SPOCK3: variants seen among roughly 807,000 people sequenced by gnomAD.
SPOCK3 encodes SPARC (osteonectin), cwcv and kazal like domains proteoglycan 3, also known as testican-3.
Under a neutral mutation model 56.6 loss-of-function variants are expected in SPOCK3, and 30 were observed. The observed-to-expected ratio is 0.53, with a 90% CI of 0.40 to 0.72. The LOEUF is 0.72. SPOCK3 is among the 30% of genes least tolerant of loss of function. The probability of loss-of-function intolerance (pLI) is 0.00; values close to 1 mark genes in which losing one functional copy is unlikely to be tolerated. For missense variants in SPOCK3, 527 were observed against 530.0 expected, an observed-to-expected ratio of 0.99 and a Z score of 0.06; for synonymous variants, 196 against 183.3, an observed-to-expected ratio of 1.07 and a Z score of -0.56.
At chr4:167,011,332 T>C (rs1340750511) in intron 3 of SPOCK3, 1 of 455,640 alleles carries the variant, frequency 2.2e-6, no homozygotes, top group Non-Finnish European at 4.4e-6. Flanking sequence ...ATTCAGGGGT[T>C]GTTGCCTTAA....
At position 166,742,223 on chromosome 4, in the gene SPOCK3, T is replaced by C. The variant is rs558283044; in HGVS notation, c.932-164A>G. ...ATACATTCATATAGGTACATACATG[T>C]GTCTATCTATCATCTATCTATCTAT... On this transcript the variant is annotated intron_variant, in intron 8 of 10. Coordinates refer to ENST00000357545, the MANE Select transcript of SPOCK3 (RefSeq NM_001040159.2). 7.6e-3 allele frequency among the ~76,000 whole-genome samples: 794 copies of C among 104,938 alleles called. 5 individuals carry two copies. Among genetic ancestry groups the C allele is most frequent in the Non-Finnish European group, 0.011 (572 of 50,602 alleles). 68.8% of individuals were successfully genotyped at this position (104,938 alleles called of 152,430 possible).
intron 7 of SPOCK3, among the ~76,000 whole-genome samples, chr4:166,781,648 CA>C (rs1313697368): frequency 1.3e-5 from 2 of 152,044 alleles, no homozygotes; most frequent in Non-Finnish European, 2.9e-5. Flanking sequence ...CATCAAACCA[CA>C]GAGATAAGAA....
At chr4:166,992,763 T>A (rs1458371033) in intron 4 of SPOCK3, among the ~76,000 whole-genome samples, 5 of 152,108 alleles carry the variant, frequency 3.3e-5, no homozygotes, top group Non-Finnish European at 7.4e-5. Context: ...ACCAGATTCT[T>A]GTCTATTTGG....
chr4:166,889,183 T>A lies in SPOCK3; in HGVS notation c.536A>T (p.His179Leu), dbSNP rs141579756. The change falls in exon 6 of 11, where the codon CAT (histidine) becomes CTT (leucine). Residue 179 changes from histidine (H) to leucine (L), a missense_variant. His to Leu is a moderately conservative substitution (Grantham distance 99). Transcript: ENST00000357545. ...GKQISVKCEG[H>L]CPCPSDKPTS... ...GGGCTTATCTGAAGGACATGGGCAA[T>A]GTCCTTCACATTTGACTGAGATCTG... The A allele has an allele frequency of 4.0e-5, 64 of 1,612,428 alleles. No homozygotes were observed. In the African/African-American group the frequency reaches 7.5e-4, roughly 19 times the overall value.
chr4:167,068,985 T>C (rs1191082217), intron 2 of SPOCK3, among the ~76,000 whole-genome samples: 1 of 151,956 alleles, frequency 6.6e-6, no homozygotes, highest in Non-Finnish European at 1.5e-5. Flanking sequence ...AAAAATTTAA[T>C]TTCCCAAGGT....
intron 3 of SPOCK3, among the ~76,000 whole-genome samples, chr4:167,006,120 T>A (rs1412590513): frequency 6.6e-6 from 1 of 152,226 alleles, no homozygotes; most frequent in East Asian, 1.9e-4. Context: ...TTTTTGTTTA[T>A]GTGTAAAATA....
chr4:166,779,180 G>GA (rs1294770008), intron 7 of SPOCK3, among the ~76,000 whole-genome samples: 1 of 151,924 alleles, frequency 6.6e-6, no homozygotes, highest in African/African-American at 2.4e-5. Context: ...ACTCTCTGGG[G>GA]AAAAATAATG....
chr4:166,969,496 TTTAACACTTTTAACACA>T (rs1745135187), intron 4 of SPOCK3, among the ~76,000 whole-genome samples: 1 of 122,150 alleles, frequency 8.2e-6, no homozygotes, highest in African/African-American at 4.7e-5. Context: ...TTTAAATGTG[TTTAACACTTTTAACACA>T]TTAAATGTGT....
At chr4:166,845,111 T>C (rs543589502) in intron 6 of SPOCK3, among the ~76,000 whole-genome samples, 21 of 152,372 alleles carry the variant, frequency 1.4e-4, no homozygotes, top group African/African-American at 4.6e-4. Flanking sequence ...TAAAATTTTC[T>C]ACTGTAACCC....
At chr4:167,156,697 TA>T (rs1434634222) in intron 2 of SPOCK3, among the ~76,000 whole-genome samples, 2 of 152,154 alleles carry the variant, frequency 1.3e-5, no homozygotes, top group Non-Finnish European at 2.9e-5. Flanking sequence ...CTATTTTATG[TA>T]AAACAGCCTC....
At chr4:167,234,395 C>A in intron 1 of SPOCK3, 55 bp downstream of exon 1, 2 of 587,694 alleles carry the variant, frequency 3.4e-6, no homozygotes, top group South Asian at 2.1e-5. Flanking sequence ...TATAAGGAAG[C>A]AAGCCCCAGC....
intron 2 of SPOCK3, among the ~76,000 whole-genome samples, chr4:167,155,172 G>C (rs1485199704): frequency 6.6e-6 from 1 of 151,914 alleles, no homozygotes; most frequent in Non-Finnish European, 1.5e-5. Flanking sequence ...CTAGAGTGCA[G>C]TGGTGCAATC....
At chr4:167,169,761 C>G (rs1580502810) in intron 2 of SPOCK3, among the ~76,000 whole-genome samples, 1 of 151,988 alleles carries the variant, frequency 6.6e-6, no homozygotes, top group African/African-American at 2.4e-5. Context: ...GCTGTGTCCC[C>G]ACCCAAATCT....
chr4:167,048,573 C>T lies in SPOCK3; in HGVS notation c.235+13919G>A, dbSNP rs770269642. On this transcript the variant is annotated intron_variant, in intron 3 of 10. Coordinates refer to ENST00000357545, the MANE Select transcript of SPOCK3 (RefSeq NM_001040159.2). ...TTCCATAACAAATGCCTTAGAAAAA[C>T]GTATTTTCAGCTAACACATAAATTA... Among the ~76,000 whole-genome samples the T allele has an allele frequency of 2.4e-4, 37 of 151,954 alleles. 1 individual carries two copies. The highest frequency in any genetic ancestry group is 4.3e-4 in the African/African-American group (18 of 41,380).
At chr4:166,928,011 A>G (rs1363135301) in intron 4 of SPOCK3, among the ~76,000 whole-genome samples, 2 of 152,176 alleles carry the variant, frequency 1.3e-5, no homozygotes, top group Non-Finnish European at 2.9e-5. Context: ...AGGACTCGCA[A>G]ATTGAAACCA....
At chr4:166,852,055 C>A (rs1017843189) in intron 6 of SPOCK3, among the ~76,000 whole-genome samples, 4 of 150,748 alleles carry the variant, frequency 2.7e-5, no homozygotes, top group African/African-American at 9.8e-5. Flanking sequence ...GAACAAAAAA[C>A]CAAACACCGC....
At chr4:166,992,227 G>A (rs915015142) in intron 4 of SPOCK3, among the ~76,000 whole-genome samples, 4 of 151,984 alleles carry the variant, frequency 2.6e-5, no homozygotes, top group Non-Finnish European at 5.9e-5. Flanking sequence ...GGAACTGAGT[G>A]GTCTGCGGAG....
At chr4:166,752,573 TACACACACACAC>T (rs67209921) in intron 8 of SPOCK3, among the ~76,000 whole-genome samples, 26 of 28,926 alleles carry the variant, frequency 9.0e-4, no homozygotes, top group African/African-American at 3.1e-3. Flanking sequence ...TATATATATA[TACACACACACAC>T]ACACACACAC....
At chr4:166,892,455 T>G (rs1160183178) in intron 5 of SPOCK3, among the ~76,000 whole-genome samples, 1 of 152,026 alleles carries the variant, frequency 6.6e-6, no homozygotes, top group East Asian at 1.9e-4. Context: ...ACTTATGAAT[T>G]AAAATTGGAA....
Sources: allele counts gnomAD v4.1 joint callset (sites outside exome capture counted in the v4.1 genomes callset), GRCh38; gene constraint gnomAD v4.1.1; transcripts MANE v1.5; gene names NCBI Gene and HGNC (gene_info 2026-07-23, HGNC 2026-07-21).